Variants in MYO3B observed in about 807,000 individuals in gnomAD.
MYO3B encodes the protein myosin IIIB.
In MYO3B, 156 loss-of-function variants were observed where a neutral mutation model predicts 174.6. The ratio of observed to expected loss-of-function variants is 0.89; its 90% confidence interval spans 0.78 to 1.02. The LOEUF is 1.02. Ranked by LOEUF, MYO3B falls within the 50% of genes least tolerant of loss-of-function variation. The probability of loss-of-function intolerance (pLI) is 0.00; values close to 1 mark genes in which losing one functional copy is unlikely to be tolerated. For missense variants in MYO3B, 1,632 were observed against 1,639.4 expected (o/e 1.00, Z 0.08); for synonymous variants, 563 against 569.1 (o/e 0.99, Z 0.15).
intron 22 of MYO3B, among the ~76,000 whole-genome samples, chr2:170,411,132 C>A (rs2094543612): frequency 6.6e-6 from 1 of 152,182 alleles, no homozygotes. Context: ...TGCCACTGTC[C>A]TTTGCTTTCA....
At chr2:170,520,322 A>G (rs10195667) in intron 30 of MYO3B, among the ~76,000 whole-genome samples, 120,599 of 151,846 alleles carry the variant, frequency 0.79, 48,777 homozygotes, top group African/African-American at 0.94. Context: ...GCATGGTGGT[A>G]TGTGCCTGGA....
At position 170,578,367 on chromosome 2, in the gene MYO3B, G is replaced by C. The variant is rs546926684; in HGVS notation, c.3733+34379G>C. ...TTACTGAAGCACAATTTAAGGGATGGCCTGGACTTTTAAAACAGAACAGCT... is the reference window on the plus strand; with the variant it reads ...TTACTGAAGCACAATTTAAGGGATGCCCTGGACTTTTAAAACAGAACAGCT... On this transcript the variant is annotated intron_variant, in intron 32 of 34. Coordinates refer to ENST00000408978, the MANE Select transcript of MYO3B (RefSeq NM_138995.5). 2.6e-5 allele frequency among the ~76,000 whole-genome samples: 4 copies of C among 152,326 alleles called. No individual in the cohort carries two copies. The South Asian group carries it at 8.3e-4, about 32-fold the overall frequency.
chr2:170,214,402 T>C lies in MYO3B; in HGVS notation c.345T>C (p.Thr115=), dbSNP rs13385825. 0.41 allele frequency: 653,568 copies of C among 1,613,374 alleles called. 133,134 individuals are homozygous for C. The highest frequency in any genetic ancestry group is 0.47 in the East Asian group (20,985 of 44,868). ...VLELCNGGSV[T]ELVKGLLRCG... ...AGCTGTGTAATGGGGGCTCAGTCAC[T>C]GAGCTTGTCAAAGGTCTACTCAGAT... is the stretch of plus-strand genomic sequence containing the variant. The change falls in exon 4 of 35, where the codon ACT becomes ACC. Residue 115 remains threonine, a synonymous_variant. Transcript: ENST00000408978.
chr2:170,450,558 C>T (rs533386689), intron 23 of MYO3B, among the ~76,000 whole-genome samples: 4 of 151,982 alleles, frequency 2.6e-5, no homozygotes, highest in South Asian at 4.2e-4. Context: ...TCTCTTCTCT[C>T]TCCCCTCCCT....
Position 170,225,238 on chromosome 2 carries a change from A to G in MYO3B, c.603+7843A>G, listed in dbSNP as rs561725882. ...AAAAGGGGGTGCTATTGCTAGTCCAATGTTTTAGGTGAAGTAGATGAGTCA... is the reference window on the plus strand; with the variant it reads ...AAAAGGGGGTGCTATTGCTAGTCCAGTGTTTTAGGTGAAGTAGATGAGTCA... On this transcript the variant is annotated intron_variant, in intron 6 of 34. Transcript: ENST00000408978. Among the ~76,000 whole-genome samples the G allele has an allele frequency of 4.6e-5, 7 of 152,344 alleles. No individual in the cohort carries two copies. In the South Asian group the frequency reaches 6.2e-4, roughly 14 times the overall value.
chr2:170,388,060 T>TTAAC (rs1475025038), intron 14 of MYO3B, among the ~76,000 whole-genome samples: 15 of 151,868 alleles, frequency 9.9e-5, no homozygotes, highest in Admixed American at 2.0e-4. Flanking sequence ...GCTATTATTA[T>TTAAC]AATTGTTAAT....
intron 7 of MYO3B, among the ~76,000 whole-genome samples, chr2:170,292,514 A>G (rs72889456): frequency 0.011 from 1,679 of 152,046 alleles, 20 homozygotes; most frequent in Admixed American, 0.021. Flanking sequence ...AGGACTAGCT[A>G]TTTATTCCAG....
intron 8 of MYO3B, among the ~76,000 whole-genome samples, chr2:170,351,596 A>T (rs569382173): frequency 3.3e-5 from 5 of 152,158 alleles, no homozygotes; most frequent in Admixed American, 2.0e-4. Context: ...AGCAGACATA[A>T]CCATAACATT....
chr2:170,641,603 T>G (rs1455064075), intron 32 of MYO3B: 1 of 152,016 alleles, frequency 6.6e-6, no homozygotes, highest in East Asian at 1.9e-4. Context: ...ATCCATAAAA[T>G]GAAATACCAT....
chr2:170,190,219 C>T (rs1322991630), intron 1 of MYO3B, among the ~76,000 whole-genome samples: 1 of 152,144 alleles, frequency 6.6e-6, no homozygotes, highest in African/African-American at 2.4e-5. Context: ...CTCTCTCTTT[C>T]CTGAGCTGCC....
intron 22 of MYO3B, among the ~76,000 whole-genome samples, chr2:170,434,688 T>A (rs1447294082): frequency 6.6e-6 from 1 of 152,194 alleles, no homozygotes; most frequent in African/African-American, 2.4e-5. Flanking sequence ...ACGAGGAAGT[T>A]AAGTTTAGAA....
chr2:170,305,251 T>G (rs1164815023), intron 7 of MYO3B, among the ~76,000 whole-genome samples: 1 of 152,176 alleles, frequency 6.6e-6, no homozygotes, highest in African/African-American at 2.4e-5. Context: ...TTGGAGTATC[T>G]ATCCTACACT....
rs1315843986 is a variant in MYO3B, at chr2:170,485,412, CACACACACAG to C, written c.3015-13178_3015-13169del. ...ACACACACACACACACACACACACA[CACACACACAG>C]AGAGAGAGAGAGAGAGAGAGAGCGA... On this transcript the variant is annotated intron_variant, in intron 25 of 34. Coordinates refer to ENST00000408978, the MANE Select transcript of MYO3B (RefSeq NM_138995.5). 4.3e-5 allele frequency among the ~76,000 whole-genome samples: 6 copies of C among 138,778 alleles called. No individual in the cohort carries two copies. In the South Asian group the frequency reaches 7.2e-4, roughly 17 times the overall value. The allele number at this position is 138,778 out of a possible 152,430, so 91.0% of individuals were successfully genotyped here. A position where few individuals can be genotyped will look rare whatever the true frequency, so the allele number is the denominator to read the frequency against.
At chr2:170,495,580 TA>T (rs113951822) in intron 25 of MYO3B, among the ~76,000 whole-genome samples, 8,938 of 147,336 alleles carry the variant, frequency 0.061, 823 homozygotes, top group African/African-American at 0.2. Context: ...TAACAGTTGC[TA>T]AAAAAAAAAA....
chr2:170,276,499 T>A (rs926398064), intron 7 of MYO3B, among the ~76,000 whole-genome samples: 3 of 152,208 alleles, frequency 2.0e-5, no homozygotes, highest in African/African-American at 4.8e-5. Flanking sequence ...ACAAACCCTG[T>A]AGCCTAACCG....
At chr2:170,294,248 G>C (rs1312160422) in intron 7 of MYO3B, among the ~76,000 whole-genome samples, 1 of 151,476 alleles carries the variant, frequency 6.6e-6, no homozygotes, top group Non-Finnish European at 1.5e-5. Flanking sequence ...GGCTTATCTT[G>C]CTGTTTCTCT....
chr2:170,476,903 G>T (rs1685351875), intron 25 of MYO3B, among the ~76,000 whole-genome samples: 1 of 151,896 alleles, frequency 6.6e-6, no homozygotes, highest in South Asian at 2.1e-4. Context: ...AATGGCCCAG[G>T]GATCCTCCAT....
chr2:170,263,892 T>C (rs1342199308), intron 7 of MYO3B, among the ~76,000 whole-genome samples: 11 of 152,142 alleles, frequency 7.2e-5, no homozygotes, highest in Non-Finnish European at 2.9e-5. Context: ...GTCAGGTCTT[T>C]CCCTTCCCGT....
intron 22 of MYO3B, among the ~76,000 whole-genome samples, chr2:170,409,901 C>T (rs1273307166): frequency 6.6e-6 from 1 of 152,168 alleles, no homozygotes. Context: ...AATTTTAAAA[C>T]GTTCATAGTC....
Sources: gnomAD v4.1 joint callset for allele counts (sites outside exome capture counted in the v4.1 genomes callset) on GRCh38, gnomAD v4.1.1 for gene constraint, MANE v1.5 for transcripts, NCBI Gene and HGNC (gene_info 2026-07-23, HGNC 2026-07-21) for gene names.